The following ATRNL1 variants were observed in gnomAD, a reference collection of about 807,000 sequenced individuals.
ATRNL1 encodes attractin-like protein 1.
ATRNL1 carries 95 observed loss-of-function variants against 182.7 expected under a neutral mutation model. That is an observed-to-expected ratio of 0.52 (90% CI 0.44 to 0.62). The LOEUF is 0.62. ATRNL1 is among the 20% of genes least tolerant of loss of function. ATRNL1 has a pLI of 0.00. For missense variants in ATRNL1, 1,471 were observed against 1,679.5 expected (o/e 0.88, Z 2.17); for synonymous variants, 576 against 568.3 (o/e 1.01, Z -0.19).
At position 115,948,177 on chromosome 10, in the gene ATRNL1, TA is replaced by T. The variant is rs781887098; in HGVS notation, c.*3401del. ...AGTCAATAAAGACTTAAACTCTTCTTAAATCTATAGTTTTAGGAGAGTTTTT... is the reference window on the plus strand; with the variant it reads ...AGTCAATAAAGACTTAAACTCTTCTTAATCTATAGTTTTAGGAGAGTTTTT... On this transcript the variant is annotated 3_prime_UTR_variant, in exon 29 of 29. Coordinates refer to ENST00000355044, the MANE Select transcript of ATRNL1 (RefSeq NM_207303.4). 3.3e-5 allele frequency: 5 copies of T among 152,220 alleles called. No homozygotes were observed. Among genetic ancestry groups the T allele is most frequent in the Non-Finnish European group, 7.3e-5 (5 of 68,034 alleles). 9.4% of individuals were successfully genotyped at this position (152,220 alleles called of 1,614,324 possible). A position where few individuals can be genotyped will look rare whatever the true frequency, so the allele number is the denominator to read the frequency against.
intron 1 of ATRNL1, among the ~76,000 whole-genome samples, chr10:115,112,250 G>A (rs1554868326): frequency 6.6e-6 from 1 of 152,134 alleles, no homozygotes; most frequent in African/African-American, 2.4e-5. Context: ...CAGATTCTAT[G>A]CAATCCTATC....
chr10:115,874,106 G>A (rs1255127809), intron 28 of ATRNL1, among the ~76,000 whole-genome samples: 7 of 152,174 alleles, frequency 4.6e-5, no homozygotes, highest in African/African-American at 1.4e-4. Flanking sequence ...TCAACTTGGG[G>A]AAAGTCATGG....
intron 24 of ATRNL1, among the ~76,000 whole-genome samples, chr10:115,487,819 G>A (rs1470424904): frequency 1.3e-5 from 2 of 152,178 alleles, no homozygotes; most frequent in East Asian, 3.9e-4. Flanking sequence ...GTTTTCAAAG[G>A]GATTGCTTCC....
At chr10:115,289,543 T>G (rs536387510) in intron 15 of ATRNL1, among the ~76,000 whole-genome samples, 28 of 152,272 alleles carry the variant, frequency 1.8e-4, no homozygotes, top group African/African-American at 5.5e-4. Context: ...GATCCATTTT[T>G]TTGTTGTTGT....
chr10:115,381,044 C>A (rs1024875028), intron 19 of ATRNL1, among the ~76,000 whole-genome samples: 3 of 152,150 alleles, frequency 2.0e-5, no homozygotes, highest in Non-Finnish European at 4.4e-5. Context: ...ATTCCACAAA[C>A]TCTTATCATT....
chr10:115,813,691 C>A (rs1232566482), intron 27 of ATRNL1, among the ~76,000 whole-genome samples: 1 of 151,978 alleles, frequency 6.6e-6, no homozygotes, highest in Non-Finnish European at 1.5e-5. Flanking sequence ...ACGTTAGTGG[C>A]AATTATAAAA....
At chr10:115,794,651 T>A (rs1406627653) in intron 27 of ATRNL1, among the ~76,000 whole-genome samples, 1 of 152,198 alleles carries the variant, frequency 6.6e-6, no homozygotes, top group Non-Finnish European at 1.5e-5. Context: ...AGTGGTGATA[T>A]TCACTTCAGC....
At chr10:115,755,769 G>A (rs1413704431) in intron 27 of ATRNL1, among the ~76,000 whole-genome samples, 1 of 152,012 alleles carries the variant, frequency 6.6e-6, no homozygotes, top group South Asian at 2.1e-4. Context: ...TGTACCTCTG[G>A]TAGAATTTGG....
At chr10:115,359,749 A>G (rs527752861) in intron 19 of ATRNL1, among the ~76,000 whole-genome samples, 17 of 151,726 alleles carry the variant, frequency 1.1e-4, no homozygotes, top group South Asian at 6.2e-4. Flanking sequence ...TTTTCTAGAG[A>G]AGATAAATAG....
At chr10:115,764,735 C>A (rs1335842233) in intron 27 of ATRNL1, among the ~76,000 whole-genome samples, 1 of 152,032 alleles carries the variant, frequency 6.6e-6, no homozygotes, top group Non-Finnish European at 1.5e-5. Flanking sequence ...TGCAATGGTG[C>A]AATCTTGGCT....
intron 25 of ATRNL1, among the ~76,000 whole-genome samples, chr10:115,521,727 G>A (rs1850946215): frequency 6.6e-6 from 1 of 152,286 alleles, no homozygotes; most frequent in African/African-American, 2.4e-5. Flanking sequence ...ATCTTTGGGT[G>A]TGATAAAATA....
chr10:115,521,979 G>C (rs1850959200), intron 25 of ATRNL1, among the ~76,000 whole-genome samples: 1 of 152,150 alleles, frequency 6.6e-6, no homozygotes, highest in South Asian at 2.1e-4. Context: ...AGAGCTGAGT[G>C]CGTCAGCTTT....
chr10:115,162,918 A>T (rs559493764), intron 6 of ATRNL1, among the ~76,000 whole-genome samples: 154 of 152,064 alleles, frequency 1.0e-3, no homozygotes, highest in African/African-American at 3.4e-3. Flanking sequence ...GAAGACTGAA[A>T]ACTGGTCATG....
At chr10:115,103,673 C>T (rs1843879396) in intron 1 of ATRNL1, among the ~76,000 whole-genome samples, 2 of 152,144 alleles carry the variant, frequency 1.3e-5, no homozygotes, top group South Asian at 2.1e-4. Flanking sequence ...ACCCATTAAC[C>T]ATCCCCATTT....
chr10:115,370,118 G>A (rs144300309), intron 19 of ATRNL1, among the ~76,000 whole-genome samples: 5 of 152,226 alleles, frequency 3.3e-5, no homozygotes, highest in Non-Finnish European at 5.9e-5. Context: ...CACCATGTGA[G>A]ATGTGCCTTT....
At chr10:115,784,638 A>G (rs1213946856) in intron 27 of ATRNL1, among the ~76,000 whole-genome samples, 1 of 152,144 alleles carries the variant, frequency 6.6e-6, no homozygotes, top group African/African-American at 2.4e-5. Context: ...TGAGGGAGAA[A>G]CCATCCCATG....
At chr10:115,157,074 A>G (rs1846555110) in intron 5 of ATRNL1, among the ~76,000 whole-genome samples, 1 of 152,146 alleles carries the variant, frequency 6.6e-6, no homozygotes. Context: ...ATAATTTATT[A>G]TATATTTCAT....
chr10:115,842,268 G>A (rs1390972507), intron 27 of ATRNL1, among the ~76,000 whole-genome samples: 4 of 151,926 alleles, frequency 2.6e-5, no homozygotes, highest in South Asian at 2.1e-4. Flanking sequence ...TTTGGCATGC[G>A]ATGGTGGCCA....
chr10:115,807,624 A>G (rs1949951615), intron 27 of ATRNL1, among the ~76,000 whole-genome samples: 1 of 152,244 alleles, frequency 6.6e-6, no homozygotes, highest in South Asian at 2.1e-4. Flanking sequence ...AAAGGGTGGC[A>G]GGATTTTCAG....
Sources: allele counts gnomAD v4.1 joint callset (sites outside exome capture counted in the v4.1 genomes callset), GRCh38; gene constraint gnomAD v4.1.1; transcripts MANE v1.5; gene names NCBI Gene and HGNC (gene_info 2026-07-23, HGNC 2026-07-21).